PC: variants seen among roughly 807,000 people sequenced by gnomAD.
The protein encoded by PC is pyruvate carboxylase.
In PC, 46 loss-of-function variants were observed where a neutral mutation model predicts 107.8. That is an observed-to-expected ratio of 0.43 (90% CI 0.34 to 0.55). The LOEUF (loss-of-function observed/expected upper bound fraction) is 0.55. PC is among the 20% of genes least tolerant of loss of function. The probability of loss-of-function intolerance (pLI) is 0.04; values close to 1 mark genes in which losing one functional copy is unlikely to be tolerated. For synonymous variants in PC, 662 were observed against 684.7 expected, an observed-to-expected ratio of 0.97 and a Z score of 0.52; for missense variants, 1,241 against 1,643.1, an observed-to-expected ratio of 0.76 and a Z score of 4.23.
At chr11:66,915,286 G>C (rs1948438944) in intron 3 of PC, among the ~76,000 whole-genome samples, 1 of 152,226 alleles carries the variant, frequency 6.6e-6, no homozygotes, top group African/African-American at 2.4e-5. Context: ...CCTGCTGCGA[G>C]AGGCAGATAA....
intron 13 of PC, 158 bp downstream of exon 13, chr11:66,853,081 G>T: frequency 1.2e-6 from 1 of 805,440 alleles, no homozygotes; most frequent in Non-Finnish European, 2.0e-6. Context: ...GAATGGCAGG[G>T]TGCAGGACAA....
intron 3 of PC, among the ~76,000 whole-genome samples, chr11:66,924,349 T>G (rs572089379): frequency 2.3e-4 from 22 of 96,722 alleles, no homozygotes; most frequent in African/African-American, 8.6e-4. Context: ...CTGGGTAACA[T>G]AGCAAGACCC....
chr11:66,918,966 C>A (rs1179787798), intron 3 of PC, among the ~76,000 whole-genome samples: 1 of 152,050 alleles, frequency 6.6e-6, no homozygotes, highest in African/African-American at 2.4e-5. Context: ...TAAACCAAGC[C>A]CCGTCAAGTT....
At chr11:66,953,285 T>A (rs1402208471) in intron 2 of PC, among the ~76,000 whole-genome samples, 2 of 152,176 alleles carry the variant, frequency 1.3e-5, no homozygotes, top group Non-Finnish European at 2.9e-5. Flanking sequence ...AGGAGCTCCC[T>A]CTGAATACTG....
At chr11:66,883,476 G>A (rs990671413) in intron 3 of PC, among the ~76,000 whole-genome samples, 1 of 152,206 alleles carries the variant, frequency 6.6e-6, no homozygotes, top group Non-Finnish European at 1.5e-5. Context: ...TATATTCCCC[G>A]GGCAGCCACC....
chr11:66,875,801 A>G (rs1591203010), intron 3 of PC, among the ~76,000 whole-genome samples: 1 of 151,994 alleles, frequency 6.6e-6, no homozygotes, highest in South Asian at 2.1e-4. Flanking sequence ...CTCTTTCTAA[A>G]ATATACCTTG....
intron 3 of PC, among the ~76,000 whole-genome samples, chr11:66,907,534 AAAC>A (rs1458922158): frequency 4.6e-5 from 7 of 152,086 alleles, no homozygotes; most frequent in African/African-American, 1.7e-4. Flanking sequence ...AACAAAAACA[AAAC>A]AACAACAAAT....
At chr11:66,951,874 G>A (rs1185514941) in intron 3 of PC, among the ~76,000 whole-genome samples, 1 of 150,390 alleles carries the variant, frequency 6.6e-6, no homozygotes, top group Non-Finnish European at 1.5e-5. Context: ...TGGCAACAGA[G>A]CAAGACTCCG....
intron 3 of PC, among the ~76,000 whole-genome samples, chr11:66,876,061 G>T (rs896202233): frequency 3.3e-5 from 5 of 152,240 alleles, no homozygotes; most frequent in African/African-American, 1.2e-4. Context: ...AACGGTTTCA[G>T]ATGAAAGGAG....
intron 3 of PC, among the ~76,000 whole-genome samples, chr11:66,883,906 T>G (rs958038257): frequency 6.6e-6 from 1 of 151,992 alleles, no homozygotes; most frequent in Non-Finnish European, 1.5e-5. Context: ...GGCAACATAT[T>G]GAGATCCTGT....
In PC at chr11:66,852,826, C is replaced by G; in HGVS notation, c.1524G>C (p.Met508Ile). The change falls in exon 14 of 23, where the codon ATG (methionine) becomes ATC (isoleucine). Residue 508 changes from methionine to isoleucine, a missense_variant. Transcript: ENST00000393960. This position sits in a 1 kb window ranked among gnomAD's most constrained non-coding sequence, Gnocchi z 4.7. ...QKLLHYLGHV[M>I]VNGPTTPIPV... Reference sequence around the variant, plus strand: ...GAATCGGGGTGGTTGGACCGTTTACCATGACATGGCCTGGGGAGAAAGCGG... The same window carrying G: ...GAATCGGGGTGGTTGGACCGTTTACGATGACATGGCCTGGGGAGAAAGCGG... 3 of 1,571,296 alleles carry G rather than the reference C, an allele frequency of 1.9e-6. No homozygotes were observed. Among genetic ancestry groups the G allele is most frequent in the Non-Finnish European group, 2.6e-6 (3 of 1,154,960 alleles).
chr11:66,912,096 A>G (rs1394778900), intron 3 of PC, among the ~76,000 whole-genome samples: 2 of 152,218 alleles, frequency 1.3e-5, no homozygotes, highest in Non-Finnish European at 2.9e-5. Flanking sequence ...CTCAAAAGAA[A>G]TTAAAAATCT....
chr11:66,956,461 T>C (rs1020521247), intron 1 of PC, among the ~76,000 whole-genome samples: 1 of 152,150 alleles, frequency 6.6e-6, no homozygotes, highest in African/African-American at 2.4e-5. Context: ...GGCATGCGCC[T>C]GTAATCCCAG....
chr11:66,880,795 C>T (rs1242041450), intron 3 of PC, among the ~76,000 whole-genome samples: 1 of 152,280 alleles, frequency 6.6e-6, no homozygotes, highest in African/African-American at 2.4e-5. Context: ...CAGTCCCATG[C>T]TGCAGTCCCA....
rs548956764 is a variant in PC, at chr11:66,848,502, G to C, written c.*397C>G. The C allele has an allele frequency of 6.9e-6, 4 of 580,678 alleles. No individual in the cohort carries two copies. Among genetic ancestry groups the C allele is most frequent in the East Asian group, 5.7e-5 (2 of 35,398 alleles). 36.0% of individuals were successfully genotyped at this position (580,678 alleles called of 1,614,324 possible). A position where few individuals can be genotyped will look rare whatever the true frequency, so the allele number is the denominator to read the frequency against. ...CACTGCTGAGTGGTGCAGGCTGGGG[G>C]CTGCACAGGATCCAGCATGGAGGGC... On this transcript the variant is annotated 3_prime_UTR_variant, in exon 23 of 23. Coordinates refer to ENST00000393960, the MANE Select transcript of PC (RefSeq NM_001040716.2).
chr11:66,902,412 T>C (rs1384139650), intron 3 of PC, among the ~76,000 whole-genome samples: 1 of 152,074 alleles, frequency 6.6e-6, no homozygotes, highest in Non-Finnish European at 1.5e-5. Context: ...ATTTCTATGA[T>C]CTCAATCATC....
chr11:66,859,551 G>A (rs1946111113), intron 12 of PC: 7 of 1,575,364 alleles, frequency 4.4e-6, no homozygotes, highest in Non-Finnish European at 6.0e-6. Flanking sequence ...GGGGAGGGGT[G>A]TTTGGAGCTG....
chr11:66,857,793 T>C lies in PC; in HGVS notation c.1369-4410A>G, dbSNP rs1420048945. The C allele has an allele frequency of 6.3e-7, 1 of 1,598,248 alleles. No individual in the cohort carries two copies. Among genetic ancestry groups the C allele is most frequent in the South Asian group, 1.1e-5 (1 of 91,000 alleles). Reference sequence around the variant, plus strand: ...GCTGCTGGCCAGTGGAGCGGCCGCCTGCCCGCTGCCCTGCGTCTGCCAGAA... The same window carrying C: ...GCTGCTGGCCAGTGGAGCGGCCGCCCGCCCGCTGCCCTGCGTCTGCCAGAA... On this transcript the variant is annotated intron_variant, in intron 12 of 22. Transcript: ENST00000393960. This position sits in a 1 kb window ranked among gnomAD's most constrained non-coding sequence, Gnocchi z 7.1.
chr11:66,927,095 A>AT (rs1264114646), intron 3 of PC, among the ~76,000 whole-genome samples: 1 of 146,148 alleles, frequency 6.8e-6, no homozygotes, highest in Non-Finnish European at 1.5e-5. Context: ...GGTTCAAGCG[A>AT]TTCTCCCACC....
Sources: gnomAD v4.1 joint callset for allele counts (sites outside exome capture counted in the v4.1 genomes callset) on GRCh38, gnomAD v4.1.1 for gene constraint, Gnocchi (gnomAD v3.1) non-coding constraint, MANE v1.5 for transcripts, NCBI Gene and HGNC (gene_info 2026-07-23, HGNC 2026-07-21) for gene names.